KLF12: variants seen among roughly 807,000 people sequenced by gnomAD.
KLF12 encodes the protein Krueppel-like factor 12.
Under a neutral mutation model 37.8 loss-of-function variants are expected in KLF12, and 9 were observed. That is an observed-to-expected ratio of 0.24 (90% confidence interval 0.14 to 0.42). The LOEUF is 0.42. KLF12 is among the 10% of genes least tolerant of loss of function. The pLI is 1.00. For missense variants in KLF12, 411 were observed against 516.0 expected (o/e 0.80, Z 1.97); for synonymous variants, 208 against 202.1 (o/e 1.03, Z -0.25).
At chr13:74,193,200 G>A in the KLF12 span, among the ~76,000 whole-genome samples, 1 of 151,886 alleles carries the variant, frequency 6.6e-6, no homozygotes, top group African/African-American at 2.4e-5. Context: ...GGCTGGTCTC[G>A]AACTCCTGAC....
chr13:74,202,103 A>T, the KLF12 span, among the ~76,000 whole-genome samples: 19 of 152,218 alleles, frequency 1.2e-4, no homozygotes, highest in African/African-American at 3.4e-4. Flanking sequence ...GGAGGAAAGA[A>T]AAGAAAATAC....
intron 3 of KLF12, among the ~76,000 whole-genome samples, chr13:73,938,194 A>G (rs1890032678): frequency 6.6e-6 from 1 of 152,226 alleles, no homozygotes; most frequent in Non-Finnish European, 1.5e-5. Context: ...CACTTCTGAT[A>G]AAGTCATTAA....
chr13:74,234,152 G>T, the KLF12 span, among the ~76,000 whole-genome samples: 1 of 152,056 alleles, frequency 6.6e-6, no homozygotes, highest in Admixed American at 6.6e-5. Flanking sequence ...ACATAAAACA[G>T]CTTAAAAAAT....
intron 1 of KLF12, among the ~76,000 whole-genome samples, chr13:74,010,602 A>G (rs1892527214): frequency 6.6e-6 from 1 of 152,210 alleles, no homozygotes; most frequent in African/African-American, 2.4e-5. Context: ...TGTAATTTGT[A>G]CAAGGCGTTT....
At chr13:73,832,874 G>T (rs923172441) in intron 4 of KLF12, among the ~76,000 whole-genome samples, 33 of 152,274 alleles carry the variant, frequency 2.2e-4, no homozygotes, top group Non-Finnish European at 1.5e-5. Flanking sequence ...AAAACAGCTT[G>T]CTATCTGCTA....
intron 1 of KLF12, among the ~76,000 whole-genome samples, chr13:74,016,453 C>G (rs546345483): frequency 1.3e-5 from 2 of 152,212 alleles, no homozygotes; most frequent in Admixed American, 6.5e-5. Flanking sequence ...CCTCAAACTC[C>G]TGGGCTCAAG....
In KLF12 at chr13:73,946,232, C is replaced by A. The variant is rs554345594; in HGVS notation, c.34-2162G>T. ...AGATGCCTTATAAGGAAGGCCCAAG[C>A]AAAAGAGGAGAAAAGACAAAGAGCG... is the stretch of plus-strand genomic sequence containing the variant. On this transcript the variant is annotated intron_variant, in intron 2 of 7. Transcript: ENST00000377669. 1.3e-3 allele frequency among the ~76,000 whole-genome samples: 195 copies of A among 151,980 alleles called. 1 individual carries two copies. The highest frequency in any genetic ancestry group is 4.4e-3 in the African/African-American group (183 of 41,464).
intron 3 of KLF12, among the ~76,000 whole-genome samples, chr13:73,901,710 A>ATTCTT (rs1888049873): frequency 6.6e-6 from 1 of 152,192 alleles, no homozygotes; most frequent in Admixed American, 6.5e-5. Context: ...TCAGCAAAGA[A>ATTCTT]TTCTCTATGT....
chr13:73,813,898 G>A (rs1278030155), intron 4 of KLF12, among the ~76,000 whole-genome samples: 1 of 152,076 alleles, frequency 6.6e-6, no homozygotes, highest in Non-Finnish European at 1.5e-5. Flanking sequence ...TGTGCTAACA[G>A]TGCTCTTGAA....
At chr13:74,053,080 T>A (rs1462831938) in intron 1 of KLF12, among the ~76,000 whole-genome samples, 1 of 152,212 alleles carries the variant, frequency 6.6e-6, no homozygotes, top group East Asian at 1.9e-4. Flanking sequence ...TTATTTTCAA[T>A]CTGGTTGTAT....
At chr13:73,758,565 C>A (rs1288961900) in intron 6 of KLF12, among the ~76,000 whole-genome samples, 2 of 152,078 alleles carry the variant, frequency 1.3e-5, no homozygotes, top group Admixed American at 1.3e-4. Context: ...AATGACATGT[C>A]TTATGGGTTC....
chr13:74,051,499 A>T (rs1200208300), intron 1 of KLF12, among the ~76,000 whole-genome samples: 1 of 152,124 alleles, frequency 6.6e-6, no homozygotes, highest in Non-Finnish European at 1.5e-5. Flanking sequence ...GAAGAGTAGA[A>T]CTGGGGAATG....
intron 6 of KLF12, among the ~76,000 whole-genome samples, chr13:73,742,110 A>C (rs766588048): frequency 6.6e-6 from 1 of 152,214 alleles, no homozygotes; most frequent in African/African-American, 2.4e-5. Context: ...GAGTCAACAA[A>C]GTCAATTTAA....
chr13:73,785,708 T>TA (rs1240162026), intron 5 of KLF12, among the ~76,000 whole-genome samples: 1 of 152,112 alleles, frequency 6.6e-6, no homozygotes, highest in Non-Finnish European at 1.5e-5. Context: ...CAATAACACT[T>TA]AGAGAGTCAT....
At chr13:73,924,255 G>A (rs1272179508) in intron 3 of KLF12, among the ~76,000 whole-genome samples, 2 of 152,126 alleles carry the variant, frequency 1.3e-5, no homozygotes, top group African/African-American at 4.8e-5. Context: ...TTGCTTTATT[G>A]TGCTTCACAT....
chr13:73,856,344 A>C (rs1885609504), intron 3 of KLF12, among the ~76,000 whole-genome samples: 1 of 152,244 alleles, frequency 6.6e-6, no homozygotes, highest in Admixed American at 6.5e-5. Context: ...ATTTTAAAAA[A>C]TGATCACAGC....
chr13:73,778,775 C>CAAGG (rs1168537270), intron 5 of KLF12, among the ~76,000 whole-genome samples: 2 of 152,050 alleles, frequency 1.3e-5, no homozygotes, highest in African/African-American at 4.8e-5. Context: ...GTACCTAACC[C>CAAGG]AAGGTCACAT....
chr13:73,949,711 C>G (rs1260823647), intron 2 of KLF12, among the ~76,000 whole-genome samples: 1 of 152,206 alleles, frequency 6.6e-6, no homozygotes, highest in Non-Finnish European at 1.5e-5. Flanking sequence ...ACATCCTTTT[C>G]TCTACTCACA....
At chr13:73,857,968 A>G (rs977638535) in intron 3 of KLF12, among the ~76,000 whole-genome samples, 2 of 152,188 alleles carry the variant, frequency 1.3e-5, no homozygotes, top group African/African-American at 4.8e-5. Context: ...TATGAGCTTA[A>G]TTTTGTCCCC....
Sources: allele counts gnomAD v4.1 joint callset (sites outside exome capture counted in the v4.1 genomes callset), GRCh38; gene constraint gnomAD v4.1.1; transcripts MANE v1.5; gene names NCBI Gene and HGNC (gene_info 2026-07-23, HGNC 2026-07-21).